SLC2A13: variants seen among roughly 807,000 people sequenced by gnomAD.
SLC2A13 encodes solute carrier family 2 member 13, also known as proton myo-inositol cotransporter.
SLC2A13 carries 32 observed loss-of-function variants against 64.4 expected under a neutral mutation model. The observed-to-expected ratio is 0.50, with a 90% confidence interval of 0.37 to 0.67. The LOEUF (loss-of-function observed/expected upper bound fraction) is 0.67. SLC2A13 is among the 30% of genes least tolerant of loss of function. The probability of loss-of-function intolerance (pLI) is 0.00; values close to 1 mark genes in which losing one functional copy is unlikely to be tolerated. For synonymous variants in SLC2A13, 338 were observed against 327.1 expected (o/e 1.03, Z -0.36); for missense variants, 743 against 829.2 (o/e 0.90, Z 1.28).
chr12:39,899,693 T>C (rs1388578703), intron 4 of SLC2A13, among the ~76,000 whole-genome samples: 1 of 152,012 alleles, frequency 6.6e-6, no homozygotes, highest in Admixed American at 6.6e-5. Flanking sequence ...TTTGTTCTCG[T>C]TGGTTTCAAA....
chr12:40,060,228 T>C (rs1477976582), intron 1 of SLC2A13, among the ~76,000 whole-genome samples: 3 of 152,090 alleles, frequency 2.0e-5, no homozygotes, highest in Non-Finnish European at 2.9e-5. Context: ...TAACATATGA[T>C]AGGTATATGG....
At chr12:40,088,011 A>T (rs1020883114) in intron 1 of SLC2A13, among the ~76,000 whole-genome samples, 1 of 152,234 alleles carries the variant, frequency 6.6e-6, no homozygotes, top group South Asian at 2.1e-4. Flanking sequence ...GAAACAGCAG[A>T]TAACATTTAC....
At chr12:39,760,330 C>CTT in intron 9 of SLC2A13, 78 bp from the exon 10 acceptor site, 5 of 1,331,280 alleles carry the variant, frequency 3.8e-6, no homozygotes, top group South Asian at 2.8e-5. Context: ...TTGATTTTGA[C>CTT]TTTTTTTTTC....
At chr12:39,996,002 GAA>G (rs1947222880) in intron 3 of SLC2A13, among the ~76,000 whole-genome samples, 1 of 152,188 alleles carries the variant, frequency 6.6e-6, no homozygotes. Context: ...TCAGAAGCAT[GAA>G]AACAAATACA....
intron 2 of SLC2A13, among the ~76,000 whole-genome samples, chr12:40,028,882 G>A (rs767252150): frequency 2.0e-5 from 3 of 152,094 alleles, no homozygotes; most frequent in Non-Finnish European, 2.9e-5. Flanking sequence ...ATGGGGCTAC[G>A]ATAAAACTTT....
chr12:39,867,257 T>A (rs1012566508), intron 5 of SLC2A13, among the ~76,000 whole-genome samples: 2 of 152,138 alleles, frequency 1.3e-5, no homozygotes, highest in Non-Finnish European at 2.9e-5. Flanking sequence ...TATTAAGATG[T>A]GAAGGAAAGA....
At chr12:40,068,995 T>A (rs1051671659) in intron 1 of SLC2A13, among the ~76,000 whole-genome samples, 3 of 152,142 alleles carry the variant, frequency 2.0e-5, no homozygotes, top group Admixed American at 6.6e-5. Flanking sequence ...TGTCTAGGAA[T>A]GTCTAGACAT....
chr12:39,900,612 C>A (rs1945068827), intron 4 of SLC2A13, among the ~76,000 whole-genome samples: 1 of 152,058 alleles, frequency 6.6e-6, no homozygotes, highest in South Asian at 2.1e-4. Flanking sequence ...AATAAAATAC[C>A]TAGGAATCCA....
At position 39,853,268 on chromosome 12, in the gene SLC2A13, G is replaced by A. The variant is rs183059298; in HGVS notation, c.1319+11494C>T. On this transcript the variant is annotated intron_variant, in intron 6 of 9. Coordinates refer to ENST00000280871, the MANE Select transcript of SLC2A13 (RefSeq NM_052885.4). ...TTGATATCCTTTGTGGAAAATAAAG[G>A]CATCTCATCTTACTAGCAGAAGGCT... is the stretch of plus-strand genomic sequence containing the variant. 5.3e-4 allele frequency among the ~76,000 whole-genome samples: 81 copies of A among 152,214 alleles called. 1 individual carries two copies. Among genetic ancestry groups the A allele is most frequent in the African/African-American group, 1.8e-3 (75 of 41,546 alleles).
At chr12:39,985,246 T>A (rs1198377917) in intron 3 of SLC2A13, among the ~76,000 whole-genome samples, 1 of 152,116 alleles carries the variant, frequency 6.6e-6, no homozygotes, top group Non-Finnish European at 1.5e-5. Flanking sequence ...CTGCTGTTGG[T>A]TTCTTGGTGT....
At chr12:40,066,922 T>C (rs1046333863) in intron 1 of SLC2A13, among the ~76,000 whole-genome samples, 1 of 152,208 alleles carries the variant, frequency 6.6e-6, no homozygotes, top group African/African-American at 2.4e-5. Context: ...CTTAAGGACT[T>C]AGTTTTACAA....
At chr12:39,829,021 G>A (rs1426747765) in intron 7 of SLC2A13, among the ~76,000 whole-genome samples, 8 of 152,018 alleles carry the variant, frequency 5.3e-5, no homozygotes, top group African/African-American at 1.4e-4. Context: ...TAGCTCCTAT[G>A]AGACACAATA....
chr12:39,860,570 G>T (rs1372029224), intron 6 of SLC2A13, among the ~76,000 whole-genome samples: 6 of 152,160 alleles, frequency 3.9e-5, no homozygotes, highest in South Asian at 2.1e-4. Context: ...GGACACCTGA[G>T]ATTCCACATG....
intron 4 of SLC2A13, among the ~76,000 whole-genome samples, chr12:39,901,609 C>T (rs1178964854): frequency 1.6e-5 from 2 of 124,308 alleles, no homozygotes; most frequent in Non-Finnish European, 3.4e-5. Context: ...CATCACTGGC[C>T]ATCAGAGAAA....
chr12:40,098,747 A>G (rs12829372), intron 1 of SLC2A13, among the ~76,000 whole-genome samples: 1 of 152,236 alleles, frequency 6.6e-6, no homozygotes, highest in Non-Finnish European at 1.5e-5. Context: ...AATAAAGGTA[A>G]CCGTATTATC....
At chr12:39,969,981 A>G (rs1207985972) in intron 3 of SLC2A13, among the ~76,000 whole-genome samples, 9 of 152,086 alleles carry the variant, frequency 5.9e-5, no homozygotes, top group East Asian at 5.8e-4. Flanking sequence ...TTTGTATAAG[A>G]TGTAAGGAAG....
At chr12:39,893,970 G>GA (rs896543718) in intron 4 of SLC2A13, among the ~76,000 whole-genome samples, 42 of 152,266 alleles carry the variant, frequency 2.8e-4, no homozygotes, top group Admixed American at 7.2e-4. Flanking sequence ...CACAGATGCT[G>GA]AAAAAATGGT....
Position 39,827,015 on chromosome 12 carries a change from T to G in SLC2A13, c.1445+3088A>C, listed in dbSNP as rs570677873. ...CATTACTTTTAATGGCAAAAAGTAA[T>G]GGTAAAACCGCAGTTAACTTTTGCA... On this transcript the variant is annotated intron_variant, in intron 7 of 9. Transcript: ENST00000280871. Among the ~76,000 whole-genome samples, 3 of 149,088 alleles carry G rather than the reference T, an allele frequency of 2.0e-5. No individual in the cohort carries two copies. In the South Asian group the frequency reaches 7.0e-4, roughly 35 times the overall value.
chr12:39,879,206 AG>A, intron 4 of SLC2A13, among the ~76,000 whole-genome samples: 1 of 152,368 alleles, frequency 6.6e-6, no homozygotes, highest in Non-Finnish European at 1.5e-5. Context: ...AGCCTGCTGC[AG>A]GGGCAGAGCC....
Sources: gnomAD v4.1 joint callset for allele counts (sites outside exome capture counted in the v4.1 genomes callset) on GRCh38, gnomAD v4.1.1 for gene constraint, MANE v1.5 for transcripts, NCBI Gene and HGNC (gene_info 2026-07-23, HGNC 2026-07-21) for gene names.